The following SH2B2 variants were observed in gnomAD, a reference collection of about 807,000 sequenced individuals.
The protein encoded by SH2B2 is SH2B adaptor protein 2.
A neutral mutation model predicts 35.7 loss-of-function variants in SH2B2; 37 were observed. That is an observed-to-expected ratio of 1.04 (90% CI 0.80 to 1.36). The LOEUF (loss-of-function observed/expected upper bound fraction) is 1.36, where lower values mean the gene tolerates loss of function less well. Among genes scored for constraint, SH2B2 ranks in the 40% most tolerant of loss-of-function variants. SH2B2 has a pLI of 0.00. For missense variants in SH2B2, 852 were observed against 817.7 expected (o/e 1.04, Z -0.51); for synonymous variants, 383 against 376.4 (o/e 1.02, Z -0.20).
chr7:102,306,258 G>A (rs1554554810), intron 2 of SH2B2, among the ~76,000 whole-genome samples: 1 of 152,042 alleles, frequency 6.6e-6, no homozygotes, highest in Non-Finnish European at 1.5e-5. Context: ...GGCTAATTTT[G>A]TATATTTTTT....
intron 1 of SH2B2, among the ~76,000 whole-genome samples, chr7:102,296,951 C>T (rs1344666000): frequency 2.0e-5 from 3 of 151,878 alleles, no homozygotes; most frequent in African/African-American, 4.8e-5. Flanking sequence ...TGCACTCCAC[C>T]CTGGGAGACA....
intron 1 of SH2B2, among the ~76,000 whole-genome samples, chr7:102,295,728 G>A (rs782690983): frequency 1.3e-5 from 2 of 152,174 alleles, no homozygotes; most frequent in African/African-American, 2.4e-5. Flanking sequence ...GGGGTGTCGG[G>A]AGGCTTCCTG....
At chr7:102,321,271 C>T in intron 8 of SH2B2, 28 bp from the exon 9 acceptor site, 1 of 1,353,474 alleles carries the variant, frequency 7.4e-7, no homozygotes, top group Non-Finnish European at 9.5e-7. Flanking sequence ...CAGGTCCCCA[C>T]TCACGCCCTG....
At chr7:102,308,760 G>A (rs1586590782) in intron 3 of SH2B2, 55 bp from the exon 4 acceptor site, 1 of 1,323,412 alleles carries the variant, frequency 7.6e-7, no homozygotes, top group East Asian at 2.3e-5. Flanking sequence ...ATGTCCTGTG[G>A]TCTGGAGCCC....
At position 102,317,033 on chromosome 7, in the gene SH2B2, T is replaced by A. The variant is rs550615691; in HGVS notation, c.1187-154T>A. 4.1e-4 allele frequency: 262 copies of A among 646,348 alleles called. 1 individual carries two copies. Among genetic ancestry groups the A allele is most frequent in the African/African-American group, 3.9e-3 (211 of 54,048 alleles). The allele number at this position is 646,348 out of a possible 1,614,324, so 40.0% of individuals were successfully genotyped here. A position where few individuals can be genotyped will look rare whatever the true frequency, so the allele number is the denominator to read the frequency against. ...GCGAAACTTCGTCTCAAAAAAAAAA[T>A]AAAAACTAAAAACCAACCAACTTTT... On this transcript the variant is annotated intron_variant, in intron 6 of 8. Coordinates refer to ENST00000444095, the MANE Select transcript of SH2B2 (RefSeq NM_001359228.2).
intron 4 of SH2B2, among the ~76,000 whole-genome samples, chr7:102,312,584 A>AT (rs1302092153): frequency 6.6e-6 from 1 of 152,158 alleles, no homozygotes; most frequent in Non-Finnish European, 1.5e-5. Flanking sequence ...CCTATCTTGA[A>AT]TGGGGGTCTT....
chr7:102,317,290 G>T lies in SH2B2; in HGVS notation c.1290G>T (p.Leu430=). 6.2e-7 allele frequency: 1 copy of T among 1,613,652 alleles called. No homozygotes were observed. Among genetic ancestry groups the T allele is most frequent in the Non-Finnish European group, 8.5e-7 (1 of 1,179,616 alleles). ...GTLSRVKAAQ[L]VLAGGPRNHG... ...TGTCCCGGGTCAAGGCTGCTCAACT[G>T]GTTCTGGCAGGGGGGCCCCGGAACC... Residue 430 remains leucine (L), a synonymous_variant, in exon 7 of 9, where the codon CTG becomes CTT. Transcript: ENST00000444095.
intron 4 of SH2B2, among the ~76,000 whole-genome samples, chr7:102,313,151 A>T (rs1278517496): frequency 2.9e-5 from 4 of 138,878 alleles, no homozygotes; most frequent in Non-Finnish European, 4.7e-5. Context: ...AAAAAAAAAA[A>T]GACGTGTTCT....
chr7:102,286,790 G>A (rs1238901453), upstream of SH2B2: 1 of 135,814 alleles, frequency 7.4e-6, no homozygotes, highest in African/African-American at 2.6e-5. Flanking sequence ...GACGCGCGAG[G>A]GGGGGCGGGG....
At chr7:102,319,785 A>G (rs1793982933) in intron 7 of SH2B2, among the ~76,000 whole-genome samples, 1 of 152,138 alleles carries the variant, frequency 6.6e-6, no homozygotes, top group African/African-American at 2.4e-5. Flanking sequence ...CACAGGCCCT[A>G]GAGACCTAGA....
chr7:102,297,791 C>T lies in SH2B2; in HGVS notation c.-29-2731C>T, dbSNP rs561552952. ...CCCTGCCTTGTGAAACTGGCATTCT[C>T]GGGGGAAGGGGGTGGAGGGGACACA... On this transcript the variant is annotated intron_variant, in intron 1 of 8. Coordinates refer to ENST00000444095, the MANE Select transcript of SH2B2 (RefSeq NM_001359228.2). This position sits in a 1 kb window ranked among gnomAD's most constrained non-coding sequence, Gnocchi z 4.3. 7.2e-5 allele frequency among the ~76,000 whole-genome samples: 11 copies of T among 152,052 alleles called. No individual in the cohort carries two copies. Among genetic ancestry groups the T allele is most frequent in the East Asian group, 1.9e-4 (1 of 5,176 alleles).
At chr7:102,289,153 C>T (rs1412963221) in intron 1 of SH2B2, among the ~76,000 whole-genome samples, 1 of 152,230 alleles carries the variant, frequency 6.6e-6, no homozygotes, top group African/African-American at 2.4e-5. Flanking sequence ...GGCAGGGCAT[C>T]GCTGTGTGGG....
chr7:102,286,477 C>T (rs1360928718), upstream of SH2B2, among the ~76,000 whole-genome samples: 1 of 152,164 alleles, frequency 6.6e-6, no homozygotes, highest in African/African-American at 2.4e-5. Context: ...GACATTCCCC[C>T]GGCCCCACGC....
intron 1 of SH2B2, among the ~76,000 whole-genome samples, chr7:102,298,686 C>T (rs550281791): frequency 1.4e-4 from 22 of 152,118 alleles, no homozygotes; most frequent in African/African-American, 5.1e-4. Context: ...CTCAGGTGAT[C>T]GTCCTGAATA....
intron 1 of SH2B2, among the ~76,000 whole-genome samples, chr7:102,298,264 GT>G (rs1395367831): frequency 6.6e-6 from 1 of 152,086 alleles, no homozygotes; most frequent in Non-Finnish European, 1.5e-5. Context: ...TTGGGTTTTT[GT>G]TTTTGTTTTG....
At position 102,300,944 on chromosome 7, in the gene SH2B2, C is replaced by A; in HGVS notation, c.394C>A (p.Arg132Ser). 6.7e-7 allele frequency: 1 copy of A among 1,488,254 alleles called. No individual in the cohort carries two copies. The highest frequency in any genetic ancestry group is 8.9e-7 in the Non-Finnish European group (1 of 1,122,530). The allele number at this position is 1,488,254 out of a possible 1,614,324, so 92.2% of individuals were successfully genotyped here. The stretch of plus-strand genomic sequence containing the variant: ...GCACGCGGCCACCAAGGCCCGCGTT[C>A]GCAAGGGCTTCTCGCTGCGCAACAT... ...STHAATKARVRKGFSLRNMSL... is the reference protein window; with the variant it reads ...STHAATKARVSKGFSLRNMSL... The change falls in exon 2 of 9, where the codon CGC becomes AGC. Residue 132 changes from arginine (R) to serine (S), a missense_variant. Physicochemically the swap from Arg to Ser is moderately radical, Grantham distance 110. This residue lies in a region of SH2B2 where 294 missense variants were observed against 286.6 expected (regional missense o/e 1.03). Transcript: ENST00000444095.
chr7:102,300,736 C>A lies in SH2B2; in HGVS notation c.186C>A (p.Ser62=), dbSNP rs1554553480. 1 of 1,540,102 alleles carries A rather than the reference C, an allele frequency of 6.5e-7. No individual in the cohort carries two copies. The highest frequency in any genetic ancestry group is 8.8e-7 in the Non-Finnish European group (1 of 1,139,812). The change falls in exon 2 of 9, where the codon TCC becomes TCA. Residue 62 remains serine, a synonymous_variant. Coordinates refer to ENST00000444095, the MANE Select transcript of SH2B2 (RefSeq NM_001359228.2). ...CGCCCGACGCCGGCGCCTCCTTCTC[C>A]CGCCACTTCGCCGCCAACTTCCTGG... ...YDTPDAGASF[S]RHFAANFLDV...
Position 102,321,589 on chromosome 7 carries a change from G to A in SH2B2, c.1858G>A (p.Gly620Ser). ...AAEEPPEAAPGRARAVENQYS... is the reference protein window; with the variant it reads ...AAEEPPEAAPSRARAVENQYS... ...CGAGGAGCCCCCGGAGGCCGCGCCC[G>A]GCCGCGCGCGCGCCGTGGAGAACCA... The change falls in exon 9 of 9, where the codon GGC becomes AGC. Residue 620 changes from glycine to serine, a missense_variant. By Grantham distance (56) the Gly-to-Ser change is moderately conservative (BLOSUM62 0). Around this residue, in one of 3 missense-constraint regions of SH2B2, gnomAD observed 556 missense variants for 514.5 expected, o/e 1.08. Coordinates refer to ENST00000444095, the MANE Select transcript of SH2B2 (RefSeq NM_001359228.2). 8.6e-6 allele frequency: 10 copies of A among 1,158,316 alleles called. No individual in the cohort carries two copies. Among genetic ancestry groups the A allele is most frequent in the South Asian group, 3.9e-5 (1 of 25,904 alleles). The allele number at this position is 1,158,316 out of a possible 1,614,324, so 71.8% of individuals were successfully genotyped here. A position where few individuals can be genotyped will look rare whatever the true frequency, so the allele number is the denominator to read the frequency against.
Position 102,300,997 on chromosome 7 carries a change from C to T in SH2B2, c.447C>T (p.Arg149=). The T allele has an allele frequency of 7.0e-7, 1 of 1,435,160 alleles. No homozygotes were observed. Among genetic ancestry groups the T allele is most frequent in the Non-Finnish European group, 9.1e-7 (1 of 1,096,894 alleles). 88.9% of individuals were successfully genotyped at this position (1,435,160 alleles called of 1,614,324 possible). The change falls in exon 2 of 9, where the codon CGC becomes CGT. Residue 149 remains arginine, a synonymous_variant. Transcript: ENST00000444095. ...GCCTGTGCGTGGTGGACGGCGTGCG[C>T]GACATGTGGCACCGGCGCGCCTCGC... The part of the protein sequence containing the change: ...NMSLCVVDGV[R]DMWHRRASPE...
Sources: allele counts gnomAD v4.1 joint callset (sites outside exome capture counted in the v4.1 genomes callset), GRCh38; gene constraint gnomAD v4.1.1; regional missense constraint gnomAD v4.1.1; non-coding constraint Gnocchi (gnomAD v3.1); transcripts MANE v1.5; gene names NCBI Gene and HGNC (gene_info 2026-07-23, HGNC 2026-07-21).